ALDH1L2: variants seen among roughly 807,000 people sequenced by gnomAD.
ALDH1L2 encodes the protein aldehyde dehydrogenase 1 family member L2.
In ALDH1L2, 91 loss-of-function variants were observed where a neutral mutation model predicts 111.0. The observed-to-expected ratio is 0.82, with a 90% CI of 0.69 to 0.98. ALDH1L2 has a LOEUF of 0.98. ALDH1L2 is among the 50% of genes least tolerant of loss of function. The pLI is 0.00. For synonymous variants in ALDH1L2, 374 were observed against 392.6 expected, an observed-to-expected ratio of 0.95 and a Z score of 0.56; for missense variants, 995 against 1,126.8, an observed-to-expected ratio of 0.88 and a Z score of 1.67.
rs955685748 is a variant in ALDH1L2, at chr12:105,023,054, A to G, written c.*1370T>C. On this transcript the variant is annotated 3_prime_UTR_variant, in exon 23 of 23. Coordinates refer to ENST00000258494, the MANE Select transcript of ALDH1L2 (RefSeq NM_001034173.4). Reference sequence around the variant, plus strand: ...ACTCACCTGACTACTTCTGTCTGCCAATGGGAAATGGGCTGTTAATAGTTT... The same window carrying G: ...ACTCACCTGACTACTTCTGTCTGCCGATGGGAAATGGGCTGTTAATAGTTT... 2.0e-5 allele frequency: 3 copies of G among 150,476 alleles called. No individual in the cohort carries two copies. Among genetic ancestry groups the G allele is most frequent in the Admixed American group, 1.3e-4 (2 of 15,172 alleles). The allele number at this position is 150,476 out of a possible 1,614,324, so 9.3% of individuals were successfully genotyped here.
At position 105,046,756 on chromosome 12, in the gene ALDH1L2, G is replaced by A. The variant is rs1251347791; in HGVS notation, c.1817C>T (p.Ala606Val). ...GGTATTGCCTGCTGCCAAACACGCA[G>A]CACTCTTCCATGCCAGCATCATCAG... ...YPLMMLAWKSAACLAAGNTLV... is the reference protein window; with the variant it reads ...YPLMMLAWKSVACLAAGNTLV... Residue 606 changes from alanine to valine, a missense_variant, in exon 15 of 23, where the codon GCT becomes GTT. Transcript: ENST00000258494. 1 of 1,614,154 alleles carries A rather than the reference G, an allele frequency of 6.2e-7. No individual in the cohort carries two copies. The highest frequency in any genetic ancestry group is 1.7e-5 in the Admixed American group (1 of 60,014).
chr12:105,028,607 C>G (rs530735253), intron 21 of ALDH1L2, among the ~76,000 whole-genome samples: 211 of 152,310 alleles, frequency 1.4e-3, no homozygotes, highest in African/African-American at 4.9e-3. Context: ...CTGGAGTGAA[C>G]TTGGACTCTG....
intron 20 of ALDH1L2, among the ~76,000 whole-genome samples, chr12:105,031,253 C>T (rs546886413): frequency 6.6e-6 from 1 of 152,276 alleles, no homozygotes. Context: ...TTTTCATTAA[C>T]TATTTTCAGC....
chr12:105,073,823 T>C (rs1320505964), intron 2 of ALDH1L2, 38 bp downstream of exon 2: 1 of 1,612,398 alleles, frequency 6.2e-7, no homozygotes, highest in Non-Finnish European at 8.5e-7. Context: ...GGTAAGGACC[T>C]GAGAATTCTT....
At position 105,021,536 on chromosome 12, in the gene ALDH1L2, A is replaced by T. The variant is rs1181683084; in HGVS notation, c.*2888T>A. On this transcript the variant is annotated 3_prime_UTR_variant, in exon 23 of 23. Transcript: ENST00000258494. ...GAGGCAGAGGTTGCAGTGAGCCAAG[A>T]TTGCACCACTGCACTGCAGCCTGGG... 8 of 151,610 alleles carry T rather than the reference A, an allele frequency of 5.3e-5. 1 individual carries two copies. The highest frequency in any genetic ancestry group is 1.2e-4 in the African/African-American group (5 of 41,110). 9.4% of individuals were successfully genotyped at this position (151,610 alleles called of 1,614,324 possible).
Position 105,031,893 on chromosome 12 carries a change from G to T in ALDH1L2, c.2286C>A (p.Asp762Glu), listed in dbSNP as rs1874720710. The T allele has an allele frequency of 1.2e-6, 2 of 1,614,102 alleles. No homozygotes were observed. Among genetic ancestry groups the T allele is most frequent in the Non-Finnish European group, 1.7e-6 (2 of 1,180,030 alleles). The change falls in exon 20 of 23, where the codon GAC (aspartate) becomes GAA (glutamate). Residue 762 changes from aspartate to glutamate, a missense_variant. Coordinates refer to ENST00000258494, the MANE Select transcript of ALDH1L2 (RefSeq NM_001034173.4). The part of the protein sequence containing the change: ...IKKMKIGDPL[D>E]RSTDHGPQNH... ...TTTGGGGCCCATGATCAGTGGATCT[G>T]TCAAGTGGATCACCAATTTTCATCT...
chr12:105,031,098 T>A (rs1874673828), intron 20 of ALDH1L2, among the ~76,000 whole-genome samples: 1 of 152,186 alleles, frequency 6.6e-6, no homozygotes, highest in Non-Finnish European at 1.5e-5. Flanking sequence ...ATGATATTTG[T>A]TTCTCTATCT....
intron 22 of ALDH1L2, among the ~76,000 whole-genome samples, 164 bp from the exon 23 acceptor site, chr12:105,024,643 GA>G (rs1874327290): frequency 6.6e-6 from 1 of 152,226 alleles, no homozygotes; most frequent in Admixed American, 6.5e-5. Context: ...ACCATCTGAA[GA>G]CTCTGTTAAG....
chr12:105,064,710 G>A (rs1274835514), intron 6 of ALDH1L2, among the ~76,000 whole-genome samples: 1 of 152,166 alleles, frequency 6.6e-6, no homozygotes, highest in Non-Finnish European at 1.5e-5. Flanking sequence ...GTGAGATCAG[G>A]AAACCTCCCC....
Position 105,068,493 on chromosome 12 carries a change from A to T in ALDH1L2, c.594+226T>A, listed in dbSNP as rs1251175660. On this transcript the variant is annotated intron_variant, in intron 4 of 22. Coordinates refer to ENST00000258494, the MANE Select transcript of ALDH1L2 (RefSeq NM_001034173.4). ...GAGCAGTTTAAATGCTACTGCATCC[A>T]TTGGATCACTGCTCTCAGAAAAATA... is the stretch of plus-strand genomic sequence containing the variant. Among the ~76,000 whole-genome samples the T allele has an allele frequency of 2.0e-5, 3 of 152,194 alleles. No homozygotes were observed. The East Asian group carries it at 5.8e-4, about 29-fold the overall frequency.
chr12:105,039,099 C>G (rs776404833), intron 17 of ALDH1L2, among the ~76,000 whole-genome samples: 10 of 152,152 alleles, frequency 6.6e-5, no homozygotes, highest in Non-Finnish European at 1.2e-4. Flanking sequence ...GATATACTAC[C>G]TATTTGTGAT....
intron 9 of ALDH1L2, among the ~76,000 whole-genome samples, chr12:105,059,294 T>C (rs1592791977): frequency 8.9e-6 from 1 of 112,642 alleles, no homozygotes; most frequent in African/African-American, 3.2e-5. Context: ...ATAATAATAA[T>C]AATAATAATA....
At chr12:105,063,702 G>A (rs1379614583) in intron 6 of ALDH1L2, among the ~76,000 whole-genome samples, 3 of 152,086 alleles carry the variant, frequency 2.0e-5, no homozygotes, top group East Asian at 3.9e-4. Context: ...CGTCAATGAT[G>A]GGCAATGCAC....
In ALDH1L2 at chr12:105,019,989, A is replaced by G. The variant is rs1874082179; in HGVS notation, c.*4435T>C. The G allele has an allele frequency of 6.6e-6, 1 of 152,348 alleles. No individual in the cohort carries two copies. The highest frequency in any genetic ancestry group is 1.5e-5 in the Non-Finnish European group (1 of 68,032). 9.4% of individuals were successfully genotyped at this position (152,348 alleles called of 1,614,324 possible). ...ACCAAATAGATTTTTGGGTTGACTC[A>G]ACAAATTATGGTTGAGTCAGTCTTA... On this transcript the variant is annotated 3_prime_UTR_variant, in exon 23 of 23. Coordinates refer to ENST00000258494, the MANE Select transcript of ALDH1L2 (RefSeq NM_001034173.4).
intron 9 of ALDH1L2, among the ~76,000 whole-genome samples, chr12:105,059,267 AAATAATAATAATAATAATAATAATAAT>A (rs56329502): frequency 0.13 from 17,326 of 138,286 alleles, 1,252 homozygotes; most frequent in Middle Eastern, 0.2. Context: ...CTCTGTCTCA[AAATAATAATAATAATAATAATAATAAT>A]AATAATAATA....
intron 2 of ALDH1L2, among the ~76,000 whole-genome samples, chr12:105,073,341 A>G (rs1877846957): frequency 6.6e-6 from 1 of 152,192 alleles, no homozygotes; most frequent in Non-Finnish European, 1.5e-5. Context: ...TAGTTACTCT[A>G]TAAGTGAGGT....
chr12:105,023,595 C>T lies in ALDH1L2; in HGVS notation c.*829G>A, dbSNP rs1874262594. ...TACTTACATTACTGCAATGAATTCT[C>T]CTATTAAGGGTCCTGAGGAAGGCAT... On this transcript the variant is annotated 3_prime_UTR_variant, in exon 23 of 23. Transcript: ENST00000258494. 6.6e-6 allele frequency: 1 copy of T among 152,084 alleles called. No homozygotes were observed. 9.4% of individuals were successfully genotyped at this position (152,084 alleles called of 1,614,324 possible). A position where few individuals can be genotyped will look rare whatever the true frequency, so the allele number is the denominator to read the frequency against.
intron 15 of ALDH1L2, among the ~76,000 whole-genome samples, chr12:105,042,876 TG>T (rs1429014944): frequency 7.7e-6 from 1 of 129,650 alleles, no homozygotes; most frequent in African/African-American, 2.7e-5. Context: ...CAAAGCAAAA[TG>T]AAAGCAATAC....
chr12:105,032,840 C>CT (rs1186173088), intron 19 of ALDH1L2, among the ~76,000 whole-genome samples: 4 of 151,676 alleles, frequency 2.6e-5, no homozygotes, highest in African/African-American at 9.7e-5. Flanking sequence ...ACATTGTTAT[C>CT]TTTTTTTTTC....
Sources: gnomAD v4.1 joint callset for allele counts (sites outside exome capture counted in the v4.1 genomes callset) on GRCh38, gnomAD v4.1.1 for gene constraint, MANE v1.5 for transcripts, NCBI Gene and HGNC (gene_info 2026-07-23, HGNC 2026-07-21) for gene names.